The following STXBP4 variants were observed in gnomAD, a reference collection of about 807,000 sequenced individuals.
STXBP4 encodes syntaxin-binding protein 4.
In STXBP4, 55 loss-of-function variants were observed where a neutral mutation model predicts 76.1. The ratio of observed to expected loss-of-function variants is 0.72; its 90% CI spans 0.58 to 0.91. STXBP4 has a LOEUF of 0.91. STXBP4 is among the 40% of genes least tolerant of loss of function. STXBP4 has a pLI of 0.00. For missense variants in STXBP4, 618 were observed against 636.9 expected, an observed-to-expected ratio of 0.97 and a Z score of 0.32; for synonymous variants, 201 against 220.2, an observed-to-expected ratio of 0.91 and a Z score of 0.77.
At chr17:55,055,542 C>A (rs895163267) in intron 12 of STXBP4, among the ~76,000 whole-genome samples, 10 of 152,144 alleles carry the variant, frequency 6.6e-5, no homozygotes, top group African/African-American at 2.4e-4. Flanking sequence ...CTGAACAAAG[C>A]AGCCAGAAAT....
At chr17:55,040,287 A>C (rs1156760089) in intron 10 of STXBP4, among the ~76,000 whole-genome samples, 1 of 152,110 alleles carries the variant, frequency 6.6e-6, no homozygotes, top group Non-Finnish European at 1.5e-5. Context: ...TATGGGAGTG[A>C]GAGGAAAGAT....
At chr17:55,106,239 T>G (rs1243173013) in intron 16 of STXBP4, among the ~76,000 whole-genome samples, 1 of 152,162 alleles carries the variant, frequency 6.6e-6, no homozygotes, top group Non-Finnish European at 1.5e-5. Flanking sequence ...TTGATATTTG[T>G]TAGTTTAAAG....
chr17:55,012,870 T>A (rs147326808), intron 8 of STXBP4, among the ~76,000 whole-genome samples: 112 of 152,184 alleles, frequency 7.4e-4, no homozygotes, highest in Non-Finnish European at 1.4e-3. Context: ...GTGGCATAGG[T>A]TTGAGAAATT....
the STXBP4 span, among the ~76,000 whole-genome samples, chr17:55,211,244 T>G: frequency 6.6e-6 from 1 of 152,112 alleles, no homozygotes; most frequent in African/African-American, 2.4e-5. Flanking sequence ...ATTATTTATT[T>G]ATTTGTTTAT....
chr17:54,992,996 A>T (rs12452642), intron 4 of STXBP4, among the ~76,000 whole-genome samples: 26,282 of 152,114 alleles, frequency 0.17, 2,728 homozygotes, highest in East Asian at 0.35. Context: ...TACAGGCATG[A>T]GCCACCACGC....
intron 17 of STXBP4, among the ~76,000 whole-genome samples, chr17:55,159,288 G>T (rs544738786): frequency 1.1e-4 from 17 of 152,076 alleles, no homozygotes; most frequent in African/African-American, 4.1e-4. Flanking sequence ...ATTTTAAAAA[G>T]CAGGTATTGT....
the STXBP4 span, among the ~76,000 whole-genome samples, chr17:55,197,294 A>G: frequency 6.6e-6 from 1 of 152,188 alleles, no homozygotes; most frequent in Non-Finnish European, 1.5e-5. Flanking sequence ...AGGAAAATGC[A>G]ATTCCCCTCA....
At chr17:55,211,783 T>G in the STXBP4 span, among the ~76,000 whole-genome samples, 4 of 149,598 alleles carry the variant, frequency 2.7e-5, no homozygotes, top group Non-Finnish European at 5.9e-5. Context: ...GGGAATGCTG[T>G]TTCCTGTTTT....
intron 12 of STXBP4, among the ~76,000 whole-genome samples, chr17:55,067,806 A>G (rs2079072312): frequency 6.6e-6 from 1 of 152,150 alleles, no homozygotes; most frequent in Non-Finnish European, 1.5e-5. Flanking sequence ...GTTAGAATGG[A>G]AATTAAGCAA....
At chr17:55,157,687 T>G (rs1421406196) in intron 17 of STXBP4, among the ~76,000 whole-genome samples, 1 of 152,208 alleles carries the variant, frequency 6.6e-6, no homozygotes, top group African/African-American at 2.4e-5. Context: ...AAAGATACAT[T>G]TTTAATATTT....
intron 16 of STXBP4, among the ~76,000 whole-genome samples, chr17:55,116,395 A>T (rs189633279): frequency 1.1e-4 from 16 of 151,938 alleles, no homozygotes; most frequent in African/African-American, 3.1e-4. Flanking sequence ...TGTACCAGGC[A>T]TCTCTTCTAT....
At chr17:55,054,343 G>A (rs752587846) in intron 12 of STXBP4, among the ~76,000 whole-genome samples, 12 of 152,016 alleles carry the variant, frequency 7.9e-5, no homozygotes, top group Non-Finnish European at 1.5e-4. Context: ...AAAAAAATTC[G>A]CTGGGCATGG....
At chr17:55,150,937 G>A (rs193218446) in intron 17 of STXBP4, among the ~76,000 whole-genome samples, 16 of 152,272 alleles carry the variant, frequency 1.1e-4, no homozygotes, top group East Asian at 5.8e-4. Context: ...GTCCAATCAC[G>A]TGACTCCTTA....
At chr17:54,978,711 A>G (rs1484256943) in intron 1 of STXBP4, among the ~76,000 whole-genome samples, 3 of 152,312 alleles carry the variant, frequency 2.0e-5, no homozygotes, top group South Asian at 4.1e-4. Context: ...CAAATAATAT[A>G]TCAAAGTATA....
intron 8 of STXBP4, among the ~76,000 whole-genome samples, chr17:55,021,950 G>A (rs1368053700): frequency 6.6e-6 from 1 of 152,066 alleles, no homozygotes; most frequent in Non-Finnish European, 1.5e-5. Flanking sequence ...TTGGACAGGG[G>A]CACAAAGATG....
the STXBP4 span, among the ~76,000 whole-genome samples, chr17:55,194,326 A>C: frequency 2.0e-5 from 3 of 152,134 alleles, no homozygotes; most frequent in African/African-American, 7.2e-5. Context: ...AATAGTAGGC[A>C]TTCTTATTTG....
intron 10 of STXBP4, among the ~76,000 whole-genome samples, chr17:55,040,468 T>G (rs1334535630): frequency 6.6e-6 from 1 of 152,186 alleles, no homozygotes; most frequent in Non-Finnish European, 1.5e-5. Flanking sequence ...AAAATTAGAC[T>G]GACACTGAAG....
intron 16 of STXBP4, among the ~76,000 whole-genome samples, chr17:55,085,154 A>G (rs1427855285): frequency 6.6e-6 from 1 of 151,846 alleles, no homozygotes; most frequent in Admixed American, 6.6e-5. Context: ...TGGGAATTGA[A>G]CAATGAGAAC....
intron 4 of STXBP4, among the ~76,000 whole-genome samples, chr17:54,997,226 C>T (rs1209438686): frequency 6.6e-6 from 1 of 152,120 alleles, no homozygotes; most frequent in East Asian, 1.9e-4. Context: ...TTCACATGAT[C>T]AGCTAAGATC....
Sources: allele counts gnomAD v4.1 joint callset (sites outside exome capture counted in the v4.1 genomes callset), GRCh38; gene constraint gnomAD v4.1.1; transcripts MANE v1.5; gene names NCBI Gene and HGNC (gene_info 2026-07-23, HGNC 2026-07-21).